PEPD: variants seen among roughly 807,000 people sequenced by gnomAD.
The protein encoded by PEPD is peptidase D.
PEPD carries 53 observed loss-of-function variants against 60.7 expected under a neutral mutation model. That is an observed-to-expected ratio of 0.87 (90% CI 0.70 to 1.10). The LOEUF (loss-of-function observed/expected upper bound fraction) is 1.10, where lower values mean the gene tolerates loss of function less well. PEPD is among the 50% of genes least tolerant of loss of function. The pLI, the probability that PEPD is intolerant of heterozygous loss-of-function variation, is 0.00. For missense variants in PEPD, 711 were observed against 711.9 expected (o/e 1.00, Z 0.01); for synonymous variants, 267 against 284.1 (o/e 0.94, Z 0.60).
At chr19:33,445,876 C>T (rs1304077062) in intron 9 of PEPD, among the ~76,000 whole-genome samples, 1 of 152,140 alleles carries the variant, frequency 6.6e-6, no homozygotes, top group African/African-American at 2.4e-5. Flanking sequence ...AGTCCCTTCC[C>T]CCAAGCCAGC....
At chr19:33,513,946 C>CTGCAGAAATGCCCCTTTCCT (rs1555771547) in intron 1 of PEPD, among the ~76,000 whole-genome samples, 2 of 151,860 alleles carry the variant, frequency 1.3e-5, no homozygotes, top group South Asian at 2.1e-4. Context: ...CCCACCCCAT[C>CTGCAGAAATGCCCCTTTCCT]CCCCAGCTCT....
At position 33,391,888 on chromosome 19, in the gene PEPD, A is replaced by G. The variant is rs558342604; in HGVS notation, c.968-409T>C. The stretch of plus-strand genomic sequence containing the variant: ...CGTCTCCCCAGTAGCAGACACCAGG[A>G]GACTCTGTGGGCTCTGGCCCTGAGG... On this transcript the variant is annotated intron_variant, in intron 12 of 14. Coordinates refer to ENST00000244137, the MANE Select transcript of PEPD (RefSeq NM_000285.4). 1.2e-4 allele frequency among the ~76,000 whole-genome samples: 19 copies of G among 152,294 alleles called. No homozygotes were observed. In the East Asian group the frequency reaches 3.3e-3, roughly 26 times the overall value.
chr19:33,436,258 G>A (rs1428682326), intron 9 of PEPD, among the ~76,000 whole-genome samples: 1 of 152,078 alleles, frequency 6.6e-6, no homozygotes, highest in African/African-American at 2.4e-5. Flanking sequence ...AGGCGAGCAG[G>A]AAGAAGAGGA....
chr19:33,389,787 C>T (rs1330278707), intron 13 of PEPD, among the ~76,000 whole-genome samples: 2 of 152,266 alleles, frequency 1.3e-5, no homozygotes, highest in African/African-American at 2.4e-5. Context: ...GGATCCCCAG[C>T]GGGCACAGGG....
intron 4 of PEPD, among the ~76,000 whole-genome samples, chr19:33,497,747 T>C (rs1026010653): frequency 1.3e-5 from 2 of 152,116 alleles, no homozygotes; most frequent in African/African-American, 4.8e-5. Context: ...AGGCCCTGGG[T>C]ACCTCAAGCA....
At chr19:33,401,640 CGTTCCCT>C (rs1968492381) in intron 12 of PEPD, 74 bp downstream of exon 12, 1 of 1,310,866 alleles carries the variant, frequency 7.6e-7, no homozygotes, top group Non-Finnish European at 1.1e-6. Flanking sequence ...AATGCAGACC[CGTTCCCT>C]GCAGGCACCT....
intron 4 of PEPD, 80 bp from the exon 5 acceptor site, chr19:33,493,417 T>C (rs1970538216): frequency 3.1e-6 from 3 of 964,124 alleles, no homozygotes; most frequent in Non-Finnish European, 5.1e-6. Context: ...TCCTTCATAA[T>C]GACAGTGCAC....
intron 6 of PEPD, among the ~76,000 whole-genome samples, chr19:33,484,315 A>T (rs1434535700): frequency 6.6e-6 from 1 of 152,162 alleles, no homozygotes; most frequent in Non-Finnish European, 1.5e-5. Flanking sequence ...TGGCCAATCT[A>T]CTCAGCAGCC....
Position 33,489,978 on chromosome 19 carries a change from TG to T in PEPD, c.503+17del. The stretch of plus-strand genomic sequence containing the variant: ...TGGGGGATGGTGGGGAAAGAGTCCC[TG>T]GGGGCCCAGGACTCACTTGCTGATG... On this transcript the variant is annotated intron_variant, in intron 6 of 14. Transcript: ENST00000244137. The T allele has an allele frequency of 1.9e-6, 3 of 1,546,476 alleles. No individual in the cohort carries two copies. The highest frequency in any genetic ancestry group is 2.7e-6 in the Non-Finnish European group (3 of 1,123,884).
chr19:33,460,353 C>G (rs908753314), intron 9 of PEPD, among the ~76,000 whole-genome samples: 1 of 152,144 alleles, frequency 6.6e-6, no homozygotes, highest in Admixed American at 6.5e-5. Flanking sequence ...GGAGAGGGAG[C>G]TCGAGGCGGA....
chr19:33,518,025 A>G (rs1043224172), intron 1 of PEPD, among the ~76,000 whole-genome samples: 2 of 151,550 alleles, frequency 1.3e-5, no homozygotes, highest in Non-Finnish European at 2.9e-5. Flanking sequence ...CCAGTAGGAG[A>G]GGCCAGCCAA....
intron 1 of PEPD, 89 bp from the exon 2 acceptor site, chr19:33,512,865 C>T (rs1970956090): frequency 1.7e-5 from 25 of 1,460,104 alleles, no homozygotes; most frequent in South Asian, 3.5e-5. Flanking sequence ...ACCGGAGGCC[C>T]GAGCCTGCCG....
chr19:33,500,851 G>A (rs527826364), intron 4 of PEPD, 87 bp downstream of exon 4: 45 of 819,190 alleles, frequency 5.5e-5, no homozygotes, highest in African/African-American at 4.0e-4. Flanking sequence ...CATCCAGCAA[G>A]GTTGTGGCAG....
intron 11 of PEPD, among the ~76,000 whole-genome samples, chr19:33,411,336 GC>G (rs892839681): frequency 7.9e-5 from 12 of 152,184 alleles, no homozygotes; most frequent in African/African-American, 2.4e-4. Context: ...CGAGCGTGGT[GC>G]CCCCTGAACG....
At chr19:33,510,899 T>A (rs552469333) in intron 3 of PEPD, 129 bp downstream of exon 3, 2 of 957,090 alleles carry the variant, frequency 2.1e-6, no homozygotes, top group South Asian at 2.8e-5. Flanking sequence ...CCTGACCGCA[T>A]GCCCTTCCTC....
intron 9 of PEPD, among the ~76,000 whole-genome samples, chr19:33,458,152 G>C (rs116784385): frequency 0.082 from 12,407 of 151,836 alleles, 703 homozygotes; most frequent in Admixed American, 0.17. Context: ...TGTGGTGTGT[G>C]CATATGGCTG....
At chr19:33,398,895 C>T (rs971966539) in intron 12 of PEPD, among the ~76,000 whole-genome samples, 4 of 152,210 alleles carry the variant, frequency 2.6e-5, no homozygotes, top group African/African-American at 9.7e-5. Context: ...CCCACAAGGG[C>T]CCGCTGGCCA....
At chr19:33,459,111 C>T (rs895949409) in intron 9 of PEPD, among the ~76,000 whole-genome samples, 1 of 152,018 alleles carries the variant, frequency 6.6e-6, no homozygotes, top group Non-Finnish European at 1.5e-5. Context: ...TCGCCTGTGG[C>T]AGGAGCGCCC....
chr19:33,491,605 C>A (rs1445033447), intron 5 of PEPD, among the ~76,000 whole-genome samples: 1 of 151,830 alleles, frequency 6.6e-6, no homozygotes, highest in African/African-American at 2.4e-5. Context: ...TCGTTTATAA[C>A]CTGGCGTGTC....
Sources: gnomAD v4.1 joint callset for allele counts (sites outside exome capture counted in the v4.1 genomes callset) on GRCh38, gnomAD v4.1.1 for gene constraint, MANE v1.5 for transcripts, NCBI Gene and HGNC (gene_info 2026-07-23, HGNC 2026-07-21) for gene names.